AMPH: variants seen among roughly 807,000 people sequenced by gnomAD.
AMPH encodes the protein amphiphysin.
AMPH carries 49 observed loss-of-function variants against 99.1 expected under a neutral mutation model. The ratio of observed to expected loss-of-function variants is 0.49; its 90% CI spans 0.39 to 0.63. The LOEUF (loss-of-function observed/expected upper bound fraction) is 0.63. Ranked by LOEUF, AMPH falls within the 20% of genes least tolerant of loss-of-function variation. AMPH has a pLI of 0.00. For synonymous variants in AMPH, 314 were observed against 317.3 expected (o/e 0.99, Z 0.11); for missense variants, 759 against 863.4 (o/e 0.88, Z 1.52).
At chr7:38,487,589 A>C (rs1355599777) in intron 5 of AMPH, among the ~76,000 whole-genome samples, 1 of 152,176 alleles carries the variant, frequency 6.6e-6, no homozygotes, top group African/African-American at 2.4e-5. Flanking sequence ...AACCTAGGCA[A>C]TACCATTCAG....
chr7:38,526,433 CTTTTTT>C (rs33974810), intron 2 of AMPH, among the ~76,000 whole-genome samples: 2 of 72,566 alleles, frequency 2.8e-5, no homozygotes, highest in African/African-American at 1.2e-4. Flanking sequence ...CCATGCCCGG[CTTTTTT>C]TTTTTTTTTT....
chr7:38,458,753 C>T (rs1421847569), intron 11 of AMPH, among the ~76,000 whole-genome samples: 1 of 152,122 alleles, frequency 6.6e-6, no homozygotes, highest in African/African-American at 2.4e-5. Flanking sequence ...CAGGTAGCAT[C>T]ATAGTGAATG....
intron 11 of AMPH, among the ~76,000 whole-genome samples, chr7:38,459,591 T>C (rs773880383): frequency 1.3e-5 from 2 of 152,036 alleles, no homozygotes; most frequent in Non-Finnish European, 2.9e-5. Flanking sequence ...GAACATATAC[T>C]GGGGAAAGGA....
At chr7:38,389,322 T>C (rs952805633) in intron 20 of AMPH, among the ~76,000 whole-genome samples, 5 of 152,254 alleles carry the variant, frequency 3.3e-5, no homozygotes, top group Admixed American at 1.3e-4. Context: ...GAGGTATAAC[T>C]TAAATACTGT....
At chr7:38,425,494 A>G (rs1584072752) in intron 15 of AMPH, among the ~76,000 whole-genome samples, 1 of 152,344 alleles carries the variant, frequency 6.6e-6, no homozygotes, top group South Asian at 2.1e-4. Context: ...TAATTACCAC[A>G]AAGGAAAACA....
intron 1 of AMPH, among the ~76,000 whole-genome samples, chr7:38,582,288 T>C (rs550901059): frequency 9.2e-5 from 14 of 152,306 alleles, no homozygotes; most frequent in Middle Eastern, 3.4e-3. Context: ...GACCACTTAA[T>C]TAAACAAGGT....
At chr7:38,585,050 T>C (rs1311862796) in intron 1 of AMPH, among the ~76,000 whole-genome samples, 3 of 152,200 alleles carry the variant, frequency 2.0e-5, no homozygotes, top group African/African-American at 7.2e-5. Flanking sequence ...GCAAGCTACA[T>C]GTTCCAACCC....
At chr7:38,614,666 T>C (rs1008759262) in intron 1 of AMPH, among the ~76,000 whole-genome samples, 1 of 152,170 alleles carries the variant, frequency 6.6e-6, no homozygotes, top group Non-Finnish European at 1.5e-5. Flanking sequence ...GATGTTCATC[T>C]TGTAAGAAAT....
chr7:38,472,463 G>A (rs1401802212), intron 7 of AMPH, among the ~76,000 whole-genome samples: 2 of 152,130 alleles, frequency 1.3e-5, no homozygotes, highest in Admixed American at 1.3e-4. Context: ...CCTAAGGTAA[G>A]GTATTTAATT....
At chr7:38,482,889 G>A (rs1054991674) in intron 5 of AMPH, among the ~76,000 whole-genome samples, 2 of 152,038 alleles carry the variant, frequency 1.3e-5, no homozygotes, top group Non-Finnish European at 2.9e-5. Flanking sequence ...GGAAGCCCTG[G>A]ACTCTCCTTC....
chr7:38,406,725 CCTTTCCCTCTCT>C (rs1785006488), intron 17 of AMPH, among the ~76,000 whole-genome samples: 2 of 58,924 alleles, frequency 3.4e-5, no homozygotes, highest in East Asian at 4.6e-4. Flanking sequence ...TCTCTCTCTC[CCTTTCCCTCTCT>C]CTCTCTCTCT....
At chr7:38,446,303 T>C (rs1171654184) in intron 11 of AMPH, among the ~76,000 whole-genome samples, 1 of 152,216 alleles carries the variant, frequency 6.6e-6, no homozygotes, top group Non-Finnish European at 1.5e-5. Flanking sequence ...AGCTAGTTTA[T>C]CCCTAGGTAT....
chr7:38,565,465 A>G (rs1033361902), intron 1 of AMPH, among the ~76,000 whole-genome samples: 1 of 152,070 alleles, frequency 6.6e-6, no homozygotes, highest in African/African-American at 2.4e-5. Context: ...CTCCCTAGAT[A>G]CCTCTTCACA....
intron 1 of AMPH, among the ~76,000 whole-genome samples, chr7:38,594,003 G>A (rs1048537740): frequency 3.9e-5 from 6 of 152,154 alleles, no homozygotes; most frequent in African/African-American, 7.2e-5. Context: ...AGAGCCAACC[G>A]GGGCTTTGAG....
intron 11 of AMPH, among the ~76,000 whole-genome samples, chr7:38,458,701 G>A (rs1434208312): frequency 6.6e-6 from 1 of 152,030 alleles, no homozygotes; most frequent in Non-Finnish European, 1.5e-5. Flanking sequence ...GAAATAGAAG[G>A]AACTGACCTC....
chr7:38,413,095 C>T (rs186435633), intron 17 of AMPH, among the ~76,000 whole-genome samples: 26 of 152,302 alleles, frequency 1.7e-4, no homozygotes, highest in African/African-American at 6.3e-4. Flanking sequence ...TTGCTTCTCA[C>T]CAACTTTTCA....
At chr7:38,412,988 A>G (rs2128985270) in intron 17 of AMPH, among the ~76,000 whole-genome samples, 1 of 152,248 alleles carries the variant, frequency 6.6e-6, no homozygotes, top group African/African-American at 2.4e-5. Flanking sequence ...GTCCATTGCC[A>G]TTTCTGACAT....
intron 1 of AMPH, among the ~76,000 whole-genome samples, chr7:38,596,666 G>A (rs975532430): frequency 3.9e-5 from 6 of 152,122 alleles, no homozygotes; most frequent in African/African-American, 1.4e-4. Context: ...GAAAGGATGG[G>A]ATTCTGAGCC....
At chr7:38,469,904 A>G (rs1338478870) in intron 7 of AMPH, among the ~76,000 whole-genome samples, 1 of 152,194 alleles carries the variant, frequency 6.6e-6, no homozygotes, top group Non-Finnish European at 1.5e-5. Flanking sequence ...GAAATGGGGC[A>G]GATTAGTGGC....
Sources: allele counts gnomAD v4.1 joint callset (sites outside exome capture counted in the v4.1 genomes callset), GRCh38; gene constraint gnomAD v4.1.1; transcripts MANE v1.5; gene names NCBI Gene and HGNC (gene_info 2026-07-23, HGNC 2026-07-21).